SPMIP2: variants seen among roughly 807,000 people sequenced by gnomAD.
SPMIP2 encodes the protein protein SPMIP2.
chr4:158,951,621 A>T, the SPMIP2 span, among the ~76,000 whole-genome samples: 5 of 152,312 alleles, frequency 3.3e-5, no homozygotes, highest in South Asian at 1.0e-3. Flanking sequence ...AATTTAAGTT[A>T]TCCCAAGTAG....
At chr4:159,062,167 G>A in the SPMIP2 span, among the ~76,000 whole-genome samples, 1 of 152,306 alleles carries the variant, frequency 6.6e-6, no homozygotes, top group Non-Finnish European at 1.5e-5. Context: ...TCTTATCCCC[G>A]ATTCCACTGT....
At chr4:159,078,108 G>T in the SPMIP2 span, among the ~76,000 whole-genome samples, 7 of 152,060 alleles carry the variant, frequency 4.6e-5, no homozygotes, top group African/African-American at 1.7e-4. Context: ...TTATTTTTTT[G>T]ATTTTGCTTC....
chr4:158,996,005 T>C, the SPMIP2 span, among the ~76,000 whole-genome samples: 1 of 152,222 alleles, frequency 6.6e-6, no homozygotes, highest in Non-Finnish European at 1.5e-5. Flanking sequence ...CTTGTCTCTT[T>C]GCTTGACAGT....
the SPMIP2 span, chr4:158,905,550 A>G: frequency 2.0e-5 from 3 of 152,224 alleles, no homozygotes; most frequent in African/African-American, 7.2e-5. Flanking sequence ...TAGCTTGAAC[A>G]TTTAGAAAAA....
At chr4:158,915,100 C>A in the SPMIP2 span, 1 of 1,340,394 alleles carries the variant, frequency 7.5e-7, no homozygotes, top group South Asian at 1.4e-5. Flanking sequence ...TATGAGAAAC[C>A]TGTCCCTGAT....
At chr4:159,036,348 C>A in the SPMIP2 span, among the ~76,000 whole-genome samples, 1 of 152,214 alleles carries the variant, frequency 6.6e-6, no homozygotes, top group African/African-American at 2.4e-5. Flanking sequence ...CAGCTGTCAG[C>A]ACCTTCGGGG....
the SPMIP2 span, among the ~76,000 whole-genome samples, chr4:158,922,472 A>G: frequency 3.9e-5 from 6 of 152,230 alleles, no homozygotes; most frequent in Non-Finnish European, 7.3e-5. Context: ...TCTCTGAGAC[A>G]TCCCCAAATG....
the SPMIP2 span, among the ~76,000 whole-genome samples, chr4:158,963,333 G>A: frequency 8.6e-5 from 13 of 151,930 alleles, no homozygotes; most frequent in South Asian, 2.1e-4. Context: ...ACAGGGTCTC[G>A]CTCTGTCACC....
chr4:158,914,121 T>G, the SPMIP2 span, among the ~76,000 whole-genome samples: 1 of 152,172 alleles, frequency 6.6e-6, no homozygotes, highest in Non-Finnish European at 1.5e-5. Flanking sequence ...GATAATTTAG[T>G]CTGTAATAGC....
At chr4:158,912,550 T>C in the SPMIP2 span, among the ~76,000 whole-genome samples, 1 of 152,330 alleles carries the variant, frequency 6.6e-6, no homozygotes, top group Non-Finnish European at 1.5e-5. Context: ...CAAGTAAGAA[T>C]AGTAATGATA....
the SPMIP2 span, among the ~76,000 whole-genome samples, chr4:159,044,774 G>C: frequency 6.6e-6 from 1 of 152,132 alleles, no homozygotes; most frequent in Non-Finnish European, 1.5e-5. Context: ...GTGGCACAAG[G>C]CATTTTCTTT....
the SPMIP2 span, among the ~76,000 whole-genome samples, chr4:159,057,353 C>CT: frequency 3.9e-5 from 6 of 152,184 alleles, no homozygotes; most frequent in Non-Finnish European, 5.9e-5. Flanking sequence ...TGAAATTAAT[C>CT]TGAGTTTTTT....
the SPMIP2 span, among the ~76,000 whole-genome samples, chr4:158,913,182 CA>C: frequency 6.6e-6 from 1 of 152,188 alleles, no homozygotes; most frequent in African/African-American, 2.4e-5. Context: ...CAGAATATTA[CA>C]AAGGTCGTCA....
At chr4:158,911,278 G>A in the SPMIP2 span, among the ~76,000 whole-genome samples, 2 of 151,964 alleles carry the variant, frequency 1.3e-5, no homozygotes, top group Non-Finnish European at 2.9e-5. Flanking sequence ...AACCCAGGAG[G>A]CGGAGGCTGC....
chr4:159,073,497 A>G, the SPMIP2 span, among the ~76,000 whole-genome samples: 1 of 152,166 alleles, frequency 6.6e-6, no homozygotes, highest in Non-Finnish European at 1.5e-5. Flanking sequence ...CTCTTCATTC[A>G]GGCTCTCTTT....
chr4:158,972,718 G>A, the SPMIP2 span, among the ~76,000 whole-genome samples: 1 of 152,248 alleles, frequency 6.6e-6, no homozygotes. Context: ...TGTGGATTAT[G>A]GGATGCCCAG....
chr4:158,989,856 G>A, the SPMIP2 span, among the ~76,000 whole-genome samples: 46 of 152,168 alleles, frequency 3.0e-4, no homozygotes, highest in South Asian at 2.1e-4. Flanking sequence ...AAAAAGCAAC[G>A]GCAACAAAAG....
At chr4:158,941,973 G>GTGACTT in the SPMIP2 span, among the ~76,000 whole-genome samples, 1 of 152,164 alleles carries the variant, frequency 6.6e-6, no homozygotes, top group Non-Finnish European at 1.5e-5. Flanking sequence ...GCTGCAAAGA[G>GTGACTT]TGACTTTGGT....
chr4:159,034,588 CAT>C, the SPMIP2 span, among the ~76,000 whole-genome samples: 1 of 152,146 alleles, frequency 6.6e-6, no homozygotes, highest in African/African-American at 2.4e-5. Context: ...ATAGCAGTAT[CAT>C]GTAAATTAAA....
Sources: allele counts gnomAD v4.1 joint callset (sites outside exome capture counted in the v4.1 genomes callset), GRCh38; gene constraint gnomAD v4.1.1; transcripts MANE v1.5; gene names NCBI Gene and HGNC (gene_info 2026-07-23, HGNC 2026-07-21).